WASHC5: variants seen among roughly 807,000 people sequenced by gnomAD.
The protein encoded by WASHC5 is WASH complex subunit 5, also known as WASH complex subunit strumpellin.
WASHC5 carries 101 observed loss-of-function variants against 150.4 expected under a neutral mutation model. That is an observed-to-expected ratio of 0.67 (90% CI 0.57 to 0.79). The LOEUF is 0.79. Ranked by LOEUF, WASHC5 falls within the 30% of genes least tolerant of loss-of-function variation. WASHC5 has a pLI of 0.00. For missense variants in WASHC5, 1,195 were observed against 1,396.3 expected (o/e 0.86, Z 2.30); for synonymous variants, 467 against 491.2 (o/e 0.95, Z 0.65).
At chr8:125,030,634 T>C (rs940736012) in intron 27 of WASHC5, among the ~76,000 whole-genome samples, 1 of 97,836 alleles carries the variant, frequency 1.0e-5, no homozygotes, top group Non-Finnish European at 1.8e-5. Flanking sequence ...CGACTCTTTC[T>C]CATAAAAAAA....
At chr8:125,027,031 GTTT>G (rs559118370) in intron 28 of WASHC5, among the ~76,000 whole-genome samples, 1 of 151,956 alleles carries the variant, frequency 6.6e-6, no homozygotes, top group South Asian at 2.1e-4. Context: ...AATTTTTATA[GTTT>G]TTTAATAAAG....
intron 17 of WASHC5, among the ~76,000 whole-genome samples, chr8:125,054,529 T>C (rs759409202): frequency 6.6e-6 from 1 of 152,156 alleles, no homozygotes; most frequent in South Asian, 2.1e-4. Context: ...GTGATGATAG[T>C]GGTCTGTTAA....
intron 10 of WASHC5, among the ~76,000 whole-genome samples, chr8:125,066,584 T>G (rs1442012331): frequency 6.6e-6 from 1 of 152,190 alleles, no homozygotes; most frequent in Non-Finnish European, 1.5e-5. Context: ...GATGACCTTG[T>G]ACAAATGCAA....
chr8:125,083,924 C>T lies in WASHC5; in HGVS notation c.-26G>A. 2 of 1,607,972 alleles carry T rather than the reference C, an allele frequency of 1.2e-6. No individual in the cohort carries two copies. Among genetic ancestry groups the T allele is most frequent in the Non-Finnish European group, 1.7e-6 (2 of 1,176,054 alleles). The stretch of plus-strand genomic sequence containing the variant: ...TGTGAGGCGGACCGACTACTCTGTG[C>T]CTGGACACTGGGGATGATTAACTGG... On this transcript the variant is annotated 5_prime_UTR_variant, in exon 2 of 29. Transcript: ENST00000318410.
At chr8:125,042,622 T>C (rs924743584) in intron 23 of WASHC5, among the ~76,000 whole-genome samples, 4 of 152,212 alleles carry the variant, frequency 2.6e-5, no homozygotes, top group African/African-American at 9.6e-5. Flanking sequence ...CCTTCCAGTT[T>C]CTTGGAAGAA....
intron 9 of WASHC5, among the ~76,000 whole-genome samples, chr8:125,068,089 C>T (rs561327586): frequency 9.2e-5 from 14 of 152,260 alleles, no homozygotes; most frequent in East Asian, 1.9e-4. Context: ...CCTGTCTGTT[C>T]GGAGTTGCTT....
At chr8:125,076,637 G>A in intron 6 of WASHC5, 137 bp from the exon 7 acceptor site, 1 of 913,808 alleles carries the variant, frequency 1.1e-6, no homozygotes, top group African/African-American at 1.6e-5. Context: ...GACACTGGAA[G>A]CCCTTCTCAG....
intron 10 of WASHC5, among the ~76,000 whole-genome samples, chr8:125,065,144 T>C (rs1208653505): frequency 6.6e-6 from 1 of 152,108 alleles, no homozygotes; most frequent in Admixed American, 6.5e-5. Flanking sequence ...AATTAGGAAA[T>C]GTGCTGTCAT....
At chr8:125,051,203 C>T (rs1324210463) in intron 17 of WASHC5, among the ~76,000 whole-genome samples, 1 of 152,160 alleles carries the variant, frequency 6.6e-6, no homozygotes, top group African/African-American at 2.4e-5. Context: ...AATAAGAAAG[C>T]AAATCTGCTA....
intron 17 of WASHC5, among the ~76,000 whole-genome samples, chr8:125,052,894 C>T (rs1393849967): frequency 2.0e-5 from 3 of 152,056 alleles, no homozygotes; most frequent in East Asian, 3.9e-4. Context: ...CCTAATCTAC[C>T]AAACATCATA....
chr8:125,056,398 C>T (rs1184437935), intron 16 of WASHC5, among the ~76,000 whole-genome samples: 1 of 152,208 alleles, frequency 6.6e-6, no homozygotes, highest in Non-Finnish European at 1.5e-5. Flanking sequence ...AGAACAAGGG[C>T]TGCTTTAGCA....
At chr8:125,073,017 G>T in intron 9 of WASHC5, 136 bp downstream of exon 9, 2 of 894,972 alleles carry the variant, frequency 2.2e-6, no homozygotes, top group Non-Finnish European at 3.6e-6. Flanking sequence ...GACAAAAAAT[G>T]ACTAACTTTA....
chr8:125,082,107 A>G (rs1469912880), intron 4 of WASHC5, among the ~76,000 whole-genome samples: 1 of 152,230 alleles, frequency 6.6e-6, no homozygotes, highest in Non-Finnish European at 1.5e-5. Flanking sequence ...TGTACTAGGT[A>G]TCAGGACAGA....
chr8:125,063,773 A>AT, intron 10 of WASHC5, 122 bp from the exon 11 acceptor site: 2 of 845,642 alleles, frequency 2.4e-6, no homozygotes, highest in Non-Finnish European at 3.7e-6. Flanking sequence ...ATAAATTAAC[A>AT]TTGACCCTGA....
At chr8:125,062,102 G>A (rs1816610390) in intron 11 of WASHC5, among the ~76,000 whole-genome samples, 1 of 152,130 alleles carries the variant, frequency 6.6e-6, no homozygotes, top group South Asian at 2.1e-4. Context: ...GAATTGGCAT[G>A]ACAAACACTC....
At chr8:125,068,897 G>A (rs1264528532) in intron 9 of WASHC5, among the ~76,000 whole-genome samples, 1 of 152,214 alleles carries the variant, frequency 6.6e-6, no homozygotes, top group South Asian at 2.1e-4. Flanking sequence ...TAAACGCCAA[G>A]TTAAAAGAAT....
At chr8:125,056,571 G>T in intron 16 of WASHC5, 106 bp downstream of exon 16, 1 of 1,284,262 alleles carries the variant, frequency 7.8e-7, no homozygotes, top group Non-Finnish European at 1.1e-6. Context: ...CAACAAGTCA[G>T]AATTGGTCTG....
chr8:125,087,848 TAAAAAG>T (rs1817466582), intron 1 of WASHC5, among the ~76,000 whole-genome samples: 1 of 151,942 alleles, frequency 6.6e-6, no homozygotes, highest in Non-Finnish European at 1.5e-5. Context: ...AAATGTTTCA[TAAAAAG>T]GAGAAGAAAA....
chr8:125,025,875 C>G (rs577174887), intron 28 of WASHC5, among the ~76,000 whole-genome samples: 1 of 148,726 alleles, frequency 6.7e-6, no homozygotes, highest in African/African-American at 2.6e-5. Flanking sequence ...ATTAGGATCA[C>G]ATAATATTGT....
Sources: allele counts gnomAD v4.1 joint callset (sites outside exome capture counted in the v4.1 genomes callset), GRCh38; gene constraint gnomAD v4.1.1; transcripts MANE v1.5; gene names NCBI Gene and HGNC (gene_info 2026-07-23, HGNC 2026-07-21).